The following EDA variants were observed in gnomAD, a reference collection of about 807,000 sequenced individuals.
The protein encoded by EDA is ectodysplasin-A.
Under a neutral mutation model 23.6 loss-of-function variants are expected in EDA, and 2 were observed. The ratio of observed to expected loss-of-function variants is 0.08; its 90% CI spans 0.03 to 0.27. The LOEUF (loss-of-function observed/expected upper bound fraction) is 0.27, where lower values mean the gene tolerates loss of function less well. EDA is among the 10% of genes least tolerant of loss of function. The pLI is 1.00. For missense variants in EDA, 229 were observed against 324.2 expected (o/e 0.71, Z 2.26); for synonymous variants, 131 against 132.0 (o/e 0.99, Z 0.05).
chrX:69,628,527 A>G (rs149918447), intron 1 of EDA, among the ~76,000 whole-genome samples: 1 of 111,485 alleles, frequency 9.0e-6, no homozygotes, highest in Non-Finnish European at 1.9e-5. Context: ...CTTCATCCTT[A>G]ATGACATTAG....
At position 69,999,620 on chromosome X, in the gene EDA, GAAAAA is replaced by G. The variant is rs772656027; in HGVS notation, c.503-23587_503-23583del. Among the ~76,000 whole-genome samples the G allele has an allele frequency of 6.5e-5, 5 of 77,123 alleles. No homozygotes were observed. The South Asian group carries it at 3.1e-3, about 48-fold the overall frequency. 67.0% of individuals were successfully genotyped at this position (77,123 alleles called of 115,157 possible). ...TACAAGAGTGAGACTCTGTCTCAGA[GAAAAA>G]AAAAAAAAAAGGAAAAAAAGAAAAA... On this transcript the variant is annotated intron_variant, in intron 2 of 7. Transcript: ENST00000374552.
chrX:69,842,518 G>A (rs1453807065), intron 1 of EDA, among the ~76,000 whole-genome samples: 1 of 111,768 alleles, frequency 8.9e-6, no homozygotes, highest in Non-Finnish European at 1.9e-5. Flanking sequence ...CAAAAATATT[G>A]GGGACCACTG....
At chrX:70,007,508 T>C (rs1051277617) in intron 2 of EDA, among the ~76,000 whole-genome samples, 8 of 111,809 alleles carry the variant, frequency 7.2e-5, no homozygotes, top group Non-Finnish European at 1.3e-4. Flanking sequence ...ATGTAAGACA[T>C]GCCTGTTTTG....
chrX:69,835,111 G>A (rs768643683), intron 1 of EDA, among the ~76,000 whole-genome samples: 7 of 77,559 alleles, frequency 9.0e-5, no homozygotes, highest in Non-Finnish European at 1.8e-4. Flanking sequence ...TTCCTTTGTG[G>A]GTAACTCGAC....
intron 2 of EDA, among the ~76,000 whole-genome samples, chrX:69,987,646 T>C (rs918332441): frequency 1.5e-4 from 17 of 111,145 alleles, no homozygotes; most frequent in Non-Finnish European, 2.3e-4. Flanking sequence ...AGGGTCACTT[T>C]ACAGCAGAAA....
At chrX:69,739,056 A>G (rs1456650164) in intron 1 of EDA, among the ~76,000 whole-genome samples, 1 of 111,208 alleles carries the variant, frequency 9.0e-6, no homozygotes, top group Non-Finnish European at 1.9e-5. Flanking sequence ...TCTTCTGCCT[A>G]GTTTTTCTAT....
intron 3 of EDA, among the ~76,000 whole-genome samples, chrX:70,025,822 G>A (rs1228861724): frequency 8.9e-6 from 1 of 112,173 alleles, no homozygotes; most frequent in Non-Finnish European, 1.9e-5. Flanking sequence ...ATGCCTCTAG[G>A]TCTTTAAGGC....
intron 1 of EDA, among the ~76,000 whole-genome samples, chrX:69,918,559 A>C: frequency 8.9e-6 from 1 of 112,467 alleles, no homozygotes; most frequent in Admixed American, 9.4e-5. Context: ...CAGTTCTCTA[A>C]GAAATGTGTT....
Position 70,035,660 on chromosome X carries a change from A to G in EDA, c.*51A>G, listed in dbSNP as rs376132667. 4.2e-5 allele frequency: 50 copies of G among 1,183,236 alleles called. No individual in the cohort carries two copies. In the African/African-American group the frequency reaches 7.9e-4, roughly 19 times the overall value. On this transcript the variant is annotated 3_prime_UTR_variant, in exon 8 of 8. Transcript: ENST00000374552. ...TGCCCCTTCCCTGGGTTTGGGAGCC[A>G]GGACTCCCAGAACCTCTAAGTGCTG...
chrX:69,641,763 A>T (rs950861514), intron 1 of EDA, among the ~76,000 whole-genome samples: 1 of 111,618 alleles, frequency 9.0e-6, no homozygotes, highest in Non-Finnish European at 1.9e-5. Flanking sequence ...TGCAGCAAGA[A>T]TTATGTTAGG....
chrX:69,670,434 T>TCACAAAGAGATTGGGGAGAGATTGGG (rs1933851764), intron 1 of EDA: 1 of 293,018 alleles, frequency 3.4e-6, no homozygotes, highest in Non-Finnish European at 5.9e-6. Flanking sequence ...ATCTGGATGT[T>TCACAAAGAGATTGGGGAGAGATTGGG]GATATCTCTC....
At chrX:69,866,736 C>G (rs1018298153) in intron 1 of EDA, among the ~76,000 whole-genome samples, 1 of 111,925 alleles carries the variant, frequency 8.9e-6, no homozygotes, top group Admixed American at 9.5e-5. Context: ...CTTCAAAAGG[C>G]CATTCCACCG....
rs569526786 is a variant in EDA, at chrX:70,001,126, C to T, written c.503-22092C>T. Among the ~76,000 whole-genome samples the T allele has an allele frequency of 1.3e-4, 14 of 111,648 alleles. 1 individual carries two copies. The South Asian group carries it at 5.3e-3, about 42-fold the overall frequency. On this transcript the variant is annotated intron_variant, in intron 2 of 7. Transcript: ENST00000374552. Reference sequence around the variant, plus strand: ...CTTGGGGAAAAAAATTGGATTGGCTCTTTCTAAATCAAAGTATTAGCAGCA... The same window carrying T: ...CTTGGGGAAAAAAATTGGATTGGCTTTTTCTAAATCAAAGTATTAGCAGCA...
At position 69,806,048 on chromosome X, in the gene EDA, G is replaced by A. The variant is rs759220015; in HGVS notation, c.397-150979G>A. ...CCCTGTGTGATTGGCATTATCCTCCGTATACAGACAAACAGGCATGGAGAA... is the reference window on the plus strand; with the variant it reads ...CCCTGTGTGATTGGCATTATCCTCCATATACAGACAAACAGGCATGGAGAA... On this transcript the variant is annotated intron_variant, in intron 1 of 7. Transcript: ENST00000374552. Among the ~76,000 whole-genome samples, 8 of 111,306 alleles carry A rather than the reference G, an allele frequency of 7.2e-5. 1 individual carries two copies. In the South Asian group the frequency reaches 1.9e-3, roughly 26 times the overall value.
At chrX:69,880,737 A>T (rs374050077) in intron 1 of EDA, among the ~76,000 whole-genome samples, 40 of 112,136 alleles carry the variant, frequency 3.6e-4, no homozygotes, top group African/African-American at 1.2e-3. Flanking sequence ...ACCTGTTCCC[A>T]TTGGGCCTTG....
intron 1 of EDA, among the ~76,000 whole-genome samples, chrX:69,798,965 G>T (rs2015610612): frequency 9.0e-6 from 1 of 111,405 alleles, no homozygotes; most frequent in South Asian, 3.7e-4. Context: ...CAGACCTATA[G>T]TAACCAAAAC....
intron 2 of EDA, among the ~76,000 whole-genome samples, chrX:69,961,206 G>T (rs770102046): frequency 9.0e-6 from 1 of 111,096 alleles, no homozygotes; most frequent in Non-Finnish European, 1.9e-5. Context: ...AACTGCTGAC[G>T]TTGAGTGATC....
chrX:69,694,086 A>T (rs1193312640), intron 1 of EDA, among the ~76,000 whole-genome samples: 1 of 112,122 alleles, frequency 8.9e-6, no homozygotes, highest in Non-Finnish European at 1.9e-5. Context: ...TTTTTTCATA[A>T]TTGGCATAAT....
intron 1 of EDA, among the ~76,000 whole-genome samples, chrX:69,917,167 C>T (rs2018358751): frequency 9.1e-6 from 1 of 110,070 alleles, no homozygotes; most frequent in East Asian, 2.9e-4. Flanking sequence ...AACTCCTGAC[C>T]TCAGGTGATC....
Sources: gnomAD v4.1 joint callset for allele counts (sites outside exome capture counted in the v4.1 genomes callset) on GRCh38, gnomAD v4.1.1 for gene constraint, MANE v1.5 for transcripts, NCBI Gene and HGNC (gene_info 2026-07-23, HGNC 2026-07-21) for gene names.